SKI: variants seen among roughly 807,000 people sequenced by gnomAD.
SKI encodes ski oncogene.
Under a neutral mutation model 59.3 loss-of-function variants are expected in SKI, and 23 were observed. That is an observed-to-expected ratio of 0.39 (90% CI 0.28 to 0.55). The LOEUF (loss-of-function observed/expected upper bound fraction) is 0.55, where lower values mean the gene tolerates loss of function less well. SKI is among the 20% of genes least tolerant of loss of function. The probability of loss-of-function intolerance (pLI) is 0.67; values close to 1 mark genes in which losing one functional copy is unlikely to be tolerated. For missense variants in SKI, 1,017 were observed against 1,038.9 expected, an observed-to-expected ratio of 0.98 and a Z score of 0.29; for synonymous variants, 673 against 488.6, an observed-to-expected ratio of 1.38 and a Z score of -4.98.
Position 2,303,134 on chromosome 1 carries a change from T to C in SKI, c.1095+31T>C. On this transcript the variant is annotated intron_variant, in intron 2 of 6. Coordinates refer to ENST00000378536, the MANE Select transcript of SKI (RefSeq NM_003036.4). This position sits in a 1 kb window ranked among gnomAD's most constrained non-coding sequence, Gnocchi z 5.6. ...GTGGGGCCTGTCGGGGTCCTTGGGG[T>C]GGTGGGTACTGGGCCCTTCTCCTTG... The C allele has an allele frequency of 6.2e-7, 1 of 1,612,316 alleles. No individual in the cohort carries two copies. Among genetic ancestry groups the C allele is most frequent in the Non-Finnish European group, 8.5e-7 (1 of 1,179,790 alleles).
At chr1:2,289,610 A>C (rs1569828517) in intron 1 of SKI, among the ~76,000 whole-genome samples, 1 of 118,154 alleles carries the variant, frequency 8.5e-6, no homozygotes, top group Non-Finnish European at 1.7e-5. Context: ...GGGCAGGAGA[A>C]CCAAGATCGT....
chr1:2,264,058 G>A (rs1639445940), intron 1 of SKI, among the ~76,000 whole-genome samples: 1 of 151,814 alleles, frequency 6.6e-6, no homozygotes. Context: ...AACCTACTCG[G>A]ACCCAGAGTG....
chr1:2,271,633 G>T (rs2100854960), intron 1 of SKI, among the ~76,000 whole-genome samples: 1 of 152,044 alleles, frequency 6.6e-6, no homozygotes, highest in African/African-American at 2.4e-5. Flanking sequence ...GGGAACCTTT[G>T]TCCCATTGAG....
At chr1:2,282,416 G>GA (rs142781558) in intron 1 of SKI, among the ~76,000 whole-genome samples, 49 of 57,842 alleles carry the variant, frequency 8.5e-4, no homozygotes, top group East Asian at 4.2e-3. Flanking sequence ...TTCAGAGAGA[G>GA]GATGCCCGAG....
At position 2,229,575 on chromosome 1, in the gene SKI, G is replaced by A; in HGVS notation, c.809G>A (p.Arg270Gln). ...VVHSHKALEN[R>Q]TCHWGFDSAN... is the part of the protein sequence containing the mutation. ...CACTCGCACAAGGCCCTGGAGAACC[G>A]GACCTGCCACTGGGGCTTCGACTCG... Residue 270 changes from arginine (R) to glutamine (Q), a missense_variant, in exon 1 of 7, where the codon CGG (arginine) becomes CAG (glutamine). Arg to Gln is a conservative substitution (Grantham distance 43). Coordinates refer to ENST00000378536, the MANE Select transcript of SKI (RefSeq NM_003036.4). The surrounding 1 kb of genome is among the most constrained non-coding windows in gnomAD (Gnocchi z 6.3). 1 of 1,611,706 alleles carries A rather than the reference G, an allele frequency of 6.2e-7. No homozygotes were observed. The highest frequency in any genetic ancestry group is 8.5e-7 in the Non-Finnish European group (1 of 1,179,952).
At chr1:2,285,504 A>G (rs569308788) in intron 1 of SKI, among the ~76,000 whole-genome samples, 245 of 151,350 alleles carry the variant, frequency 1.6e-3, no homozygotes, top group Non-Finnish European at 2.2e-3. Flanking sequence ...GACAAAAGCA[A>G]AAGTCTGTCT....
At chr1:2,253,458 T>G (rs1220205680) in intron 1 of SKI, among the ~76,000 whole-genome samples, 1 of 152,216 alleles carries the variant, frequency 6.6e-6, no homozygotes, top group African/African-American at 2.4e-5. Context: ...GCCTGGCCAC[T>G]TGTGAGTGCA....
chr1:2,256,270 T>A (rs1037650777), intron 1 of SKI, among the ~76,000 whole-genome samples: 1 of 152,274 alleles, frequency 6.6e-6, no homozygotes, highest in South Asian at 2.1e-4. Context: ...TGTCTGGAGC[T>A]CTCTGTGTCC....
chr1:2,248,082 G>C (rs1429565826), intron 1 of SKI: 1 of 152,284 alleles, frequency 6.6e-6, no homozygotes, highest in Non-Finnish European at 1.5e-5. Flanking sequence ...GTGAGTGCGC[G>C]GAAGGACCCT....
intron 1 of SKI, among the ~76,000 whole-genome samples, chr1:2,264,841 T>A (rs1398062537): frequency 6.6e-6 from 1 of 151,912 alleles, no homozygotes; most frequent in African/African-American, 2.4e-5. Context: ...AGACAGAATC[T>A]CACTCTGTCA....
At chr1:2,235,403 C>T (rs908728095) in intron 1 of SKI, among the ~76,000 whole-genome samples, 4 of 152,186 alleles carry the variant, frequency 2.6e-5, no homozygotes, top group Non-Finnish European at 4.4e-5. Flanking sequence ...AGGGGTCGCC[C>T]CCACTGTGCC....
chr1:2,293,002 C>T (rs1477757060), intron 1 of SKI, among the ~76,000 whole-genome samples: 1 of 152,202 alleles, frequency 6.6e-6, no homozygotes, highest in Admixed American at 6.5e-5. Flanking sequence ...CTGCTGTTGT[C>T]TAGCAGCCAC....
intron 1 of SKI, among the ~76,000 whole-genome samples, chr1:2,297,615 G>A (rs1042304939): frequency 6.6e-6 from 1 of 152,248 alleles, no homozygotes; most frequent in Non-Finnish European, 1.5e-5. Flanking sequence ...GTTGCCTATT[G>A]GTGGCAGCCA....
rs12043185 is a variant in SKI at position 2,269,393 on chromosome 1, G to A, written c.970-33585G>A. Among the ~76,000 whole-genome samples, 11,719 of 152,318 alleles carry A rather than the reference G, an allele frequency of 0.077. 948 individuals carry two copies. Among genetic ancestry groups the A allele is most frequent in the East Asian group, 0.44 (2,257 of 5,178 alleles). ...GAGCTTTGACGGAAGTGGCCACACT[G>A]CAGGCCCCCACAGCGTCACTAGTAG... On this transcript the variant is annotated intron_variant, in intron 1 of 6. Coordinates refer to ENST00000378536, the MANE Select transcript of SKI (RefSeq NM_003036.4). The surrounding 1 kb of genome is among the most constrained non-coding windows in gnomAD (Gnocchi z 4.7).
chr1:2,273,738 C>T (rs1345957826), intron 1 of SKI, among the ~76,000 whole-genome samples: 4 of 152,342 alleles, frequency 2.6e-5, no homozygotes, highest in South Asian at 2.1e-4. Flanking sequence ...AAAGTGTGCT[C>T]GTGCAGGACC....
At chr1:2,258,637 C>G (rs1639322342) in intron 1 of SKI, among the ~76,000 whole-genome samples, 1 of 151,950 alleles carries the variant, frequency 6.6e-6, no homozygotes. Flanking sequence ...TCACTGCAAC[C>G]TCTGCCTCCC....
chr1:2,271,679 C>T (rs562190491), intron 1 of SKI, among the ~76,000 whole-genome samples: 3 of 151,860 alleles, frequency 2.0e-5, no homozygotes, highest in South Asian at 2.1e-4. Flanking sequence ...CCTGTCCCTG[C>T]GGGCCCGCCC....
intron 1 of SKI, among the ~76,000 whole-genome samples, chr1:2,276,109 G>A (rs560461214): frequency 1.3e-5 from 2 of 152,368 alleles, no homozygotes; most frequent in Non-Finnish European, 2.9e-5. Context: ...GGGAGAAGAC[G>A]TGAGGAGTGG....
At chr1:2,240,866 G>A (rs1557814400) in intron 1 of SKI, 2 of 916,018 alleles carry the variant, frequency 2.2e-6, no homozygotes, top group East Asian at 1.2e-4. Flanking sequence ...ACAGCCCTTC[G>A]GCACTGCTGG....
Sources: allele counts gnomAD v4.1 joint callset (sites outside exome capture counted in the v4.1 genomes callset), GRCh38; gene constraint gnomAD v4.1.1; non-coding constraint Gnocchi (gnomAD v3.1); transcripts MANE v1.5; gene names NCBI Gene and HGNC (gene_info 2026-07-23, HGNC 2026-07-21).